PARN: variants seen among roughly 807,000 people sequenced by gnomAD.
PARN encodes the protein poly(A)-specific ribonuclease PARN.
In PARN, 71 loss-of-function variants were observed where a neutral mutation model predicts 102.8. The ratio of observed to expected loss-of-function variants is 0.69; its 90% CI spans 0.57 to 0.84. The LOEUF is 0.84. Ranked by LOEUF, PARN falls within the 40% of genes least tolerant of loss-of-function variation. PARN has a pLI of 0.00. For missense variants in PARN, 782 were observed against 760.9 expected (o/e 1.03, Z -0.33); for synonymous variants, 261 against 252.9 (o/e 1.03, Z -0.30).
At chr16:14,519,900 A>T (rs1028583207) in intron 21 of PARN, among the ~76,000 whole-genome samples, 50 of 152,342 alleles carry the variant, frequency 3.3e-4, no homozygotes, top group African/African-American at 1.2e-3. Context: ...TGCAGTCTCT[A>T]ATGAAATAAT....
intron 2 of PARN, 70 bp from the exon 3 acceptor site, chr16:14,628,321 C>G: frequency 1.2e-6 from 1 of 831,436 alleles, no homozygotes; most frequent in Non-Finnish European, 2.0e-6. Context: ...GTCAATCATT[C>G]AGTGCCTCTA....
chr16:14,582,149 G>T, intron 17 of PARN, 32 bp downstream of exon 17: 1 of 1,318,992 alleles, frequency 7.6e-7, no homozygotes, highest in Non-Finnish European at 1.1e-6. Context: ...CTAGATCACT[G>T]CGTGTTTGAC....
rs8046265 is a variant in PARN, at chr16:14,614,174, T to C, written c.389-3365A>G. ...CGGAAGGCTGAGGTGGGAGAATCAC[T>C]TGGGCCCAGGAGGTCAAGGCTGCAG... On this transcript the variant is annotated intron_variant, in intron 6 of 23. Coordinates refer to ENST00000437198, the MANE Select transcript of PARN (RefSeq NM_002582.4). Among the ~76,000 whole-genome samples the C allele has an allele frequency of 9.1e-3, 1,377 of 151,924 alleles. 21 individuals are homozygous for C. Among genetic ancestry groups the C allele is most frequent in the African/African-American group, 0.031 (1,297 of 41,394 alleles).
intron 22 of PARN, among the ~76,000 whole-genome samples, chr16:14,447,663 T>C (rs954366951): frequency 6.6e-6 from 1 of 152,258 alleles, no homozygotes; most frequent in African/African-American, 2.4e-5. Flanking sequence ...GGCTTTGACA[T>C]ATTGAATTAA....
chr16:14,535,738 TTC>T (rs1166829585), intron 21 of PARN, among the ~76,000 whole-genome samples: 3 of 152,332 alleles, frequency 2.0e-5, no homozygotes, highest in East Asian at 1.9e-4. Flanking sequence ...GTTATAAATG[TTC>T]TGTTTCATTG....
intron 5 of PARN, among the ~76,000 whole-genome samples, chr16:14,619,605 T>G (rs1045239198): frequency 6.6e-6 from 1 of 150,678 alleles, no homozygotes; most frequent in African/African-American, 2.4e-5. Context: ...TACAAAAAAT[T>G]TAAAAATTAG....
intron 22 of PARN, among the ~76,000 whole-genome samples, chr16:14,449,246 A>G (rs1286770114): frequency 2.0e-5 from 3 of 152,190 alleles, no homozygotes; most frequent in South Asian, 2.1e-4. Context: ...CTACTGTATG[A>G]TAACAGTGGT....
intron 21 of PARN, among the ~76,000 whole-genome samples, chr16:14,514,619 C>T (rs1422259838): frequency 3.9e-5 from 6 of 152,172 alleles, no homozygotes; most frequent in Non-Finnish European, 2.9e-5. Context: ...ATATGCCATA[C>T]TTGTAATATA....
chr16:14,586,578 C>G (rs769643939), intron 13 of PARN, among the ~76,000 whole-genome samples: 4 of 152,162 alleles, frequency 2.6e-5, no homozygotes, highest in Non-Finnish European at 5.9e-5. Flanking sequence ...TGATAACTAA[C>G]TTCTGCATAA....
intron 21 of PARN, among the ~76,000 whole-genome samples, chr16:14,534,833 ATTTT>A (rs553597929): frequency 7.0e-6 from 1 of 142,228 alleles, no homozygotes; most frequent in East Asian, 2.0e-4. Flanking sequence ...TCATTTCTAA[ATTTT>A]TTTTTTTTTT....
At chr16:14,594,638 C>T (rs1348181019) in intron 12 of PARN, among the ~76,000 whole-genome samples, 1 of 152,142 alleles carries the variant, frequency 6.6e-6, no homozygotes, top group African/African-American at 2.4e-5. Flanking sequence ...ATGGCTTGAA[C>T]CCAGGAGGCG....
chr16:14,482,300 G>C (rs1453901126), intron 22 of PARN, among the ~76,000 whole-genome samples: 1 of 152,072 alleles, frequency 6.6e-6, no homozygotes, highest in Non-Finnish European at 1.5e-5. Context: ...GTTGAGGTTG[G>C]AGGATCACTT....
chr16:14,451,088 G>A (rs1031548391), intron 22 of PARN, among the ~76,000 whole-genome samples: 3 of 152,170 alleles, frequency 2.0e-5, no homozygotes, highest in African/African-American at 7.2e-5. Context: ...AGGCAGCCAA[G>A]CTGCAGAGAC....
intron 18 of PARN, among the ~76,000 whole-genome samples, chr16:14,570,343 A>G (rs1304182969): frequency 1.3e-5 from 2 of 150,450 alleles, no homozygotes; most frequent in East Asian, 1.9e-4. Flanking sequence ...AAAAAAAAAA[A>G]AAAAAGAAAA....
chr16:14,470,617 C>G (rs1310961924), intron 22 of PARN, among the ~76,000 whole-genome samples: 7 of 151,712 alleles, frequency 4.6e-5, no homozygotes, highest in Admixed American at 4.6e-4. Flanking sequence ...CACCAACACA[C>G]CCGGCTAACT....
intron 22 of PARN, among the ~76,000 whole-genome samples, chr16:14,460,627 TA>T (rs1285747991): frequency 1.3e-5 from 2 of 152,172 alleles, no homozygotes; most frequent in Non-Finnish European, 2.9e-5. Context: ...GACTCTGGGT[TA>T]AAAATAGAGA....
chr16:14,514,902 C>A lies in PARN; in HGVS notation c.1481-32075G>T, dbSNP rs142115190. On this transcript the variant is annotated intron_variant, in intron 21 of 23. Transcript: ENST00000437198. ...ACTCCATGGCATAAATAAGGCTGCACGGGGAAGCTACGTTAAATCAAGCTG... is the reference window on the plus strand; with the variant it reads ...ACTCCATGGCATAAATAAGGCTGCAAGGGGAAGCTACGTTAAATCAAGCTG... Among the ~76,000 whole-genome samples, 226 of 152,228 alleles carry A rather than the reference C, an allele frequency of 1.5e-3. 1 individual carries two copies. The highest frequency in any genetic ancestry group is 3.4e-3 in the African/African-American group (141 of 41,534).
At chr16:14,517,729 A>G (rs942275596) in intron 21 of PARN, among the ~76,000 whole-genome samples, 2 of 152,184 alleles carry the variant, frequency 1.3e-5, no homozygotes, top group African/African-American at 4.8e-5. Flanking sequence ...CCCAGGCTAG[A>G]GTGCAGTGGC....
At position 14,436,561 on chromosome 16, in the gene PARN, A is replaced by T; in HGVS notation, c.*156T>A. The T allele has an allele frequency of 1.6e-6, 1 of 618,386 alleles. No homozygotes were observed. Among genetic ancestry groups the T allele is most frequent in the Admixed American group, 2.9e-5 (1 of 34,332 alleles). 38.3% of individuals were successfully genotyped at this position (618,386 alleles called of 1,614,324 possible). A position where few individuals can be genotyped will look rare whatever the true frequency, so the allele number is the denominator to read the frequency against. On this transcript the variant is annotated 3_prime_UTR_variant, in exon 24 of 24. Transcript: ENST00000437198. ...AAAGGGGAAAAAACCACAGCCACAA[A>T]AATAAAACCTGTTTTCTCCCCCCCA...
Sources: allele counts gnomAD v4.1 joint callset (sites outside exome capture counted in the v4.1 genomes callset), GRCh38; gene constraint gnomAD v4.1.1; transcripts MANE v1.5; gene names NCBI Gene and HGNC (gene_info 2026-07-23, HGNC 2026-07-21).